SYK: variants seen among roughly 807,000 people sequenced by gnomAD.
SYK encodes tyrosine-protein kinase SYK.
SYK carries 16 observed loss-of-function variants against 77.8 expected under a neutral mutation model. That is an observed-to-expected ratio of 0.21 (90% confidence interval 0.14 to 0.31). The LOEUF (loss-of-function observed/expected upper bound fraction) is 0.31, where lower values mean the gene tolerates loss of function less well. Among genes scored for constraint, SYK ranks in the 10% least tolerant of loss-of-function variants. SYK has a pLI of 1.00. For missense variants in SYK, 529 were observed against 814.4 expected (o/e 0.65, Z 4.26); for synonymous variants, 312 against 308.7 (o/e 1.01, Z -0.11).
chr9:90,852,526 T>C (rs1167636599), intron 3 of SYK, among the ~76,000 whole-genome samples: 1 of 152,230 alleles, frequency 6.6e-6, no homozygotes, highest in African/African-American at 2.4e-5. Context: ...GATGGAAGTA[T>C]TGTTTCTTTG....
chr9:90,891,999 T>G lies in SYK; in HGVS notation c.1835+3372T>G, dbSNP rs993193340. 4.3e-4 allele frequency among the ~76,000 whole-genome samples: 65 copies of G among 152,304 alleles called. 1 individual carries two copies. Among genetic ancestry groups the G allele is most frequent in the African/African-American group, 1.4e-3 (59 of 41,566 alleles). On this transcript the variant is annotated intron_variant, in intron 13 of 13. Coordinates refer to ENST00000375754, the MANE Select transcript of SYK (RefSeq NM_003177.7). ...GATTACCTCCAACCCCTTTTTAGTC[T>G]TAATGGACTCTTCAGCTGGACCTAG...
chr9:90,862,122 C>T, intron 3 of SYK, 84 bp from the exon 4 acceptor site: 1 of 1,445,948 alleles, frequency 6.9e-7, no homozygotes, highest in Non-Finnish European at 9.2e-7. Flanking sequence ...GGCTGCTGAC[C>T]ATTCAGGCCA....
chr9:90,875,264 T>A (rs1827883100), intron 9 of SYK, among the ~76,000 whole-genome samples: 1 of 151,262 alleles, frequency 6.6e-6, no homozygotes, highest in African/African-American at 2.4e-5. Context: ...AATAAATAAA[T>A]AAAACATAAA....
chr9:90,816,592 G>A (rs1485757078), intron 1 of SYK, among the ~76,000 whole-genome samples: 1 of 152,200 alleles, frequency 6.6e-6, no homozygotes, highest in African/African-American at 2.4e-5. Context: ...TGTACAAGGT[G>A]GAAGGGTTGA....
At chr9:90,863,489 T>G (rs1827352988) in intron 4 of SYK, among the ~76,000 whole-genome samples, 1 of 152,178 alleles carries the variant, frequency 6.6e-6, no homozygotes, top group Non-Finnish European at 1.5e-5. Context: ...GTGATTTGCT[T>G]TCTAGTGCTG....
rs371227690 is a variant in SYK at position 90,840,717 on chromosome 9, C to T, written c.-41-3141C>T. Among the ~76,000 whole-genome samples the T allele has an allele frequency of 4.6e-5, 7 of 152,274 alleles. No individual in the cohort carries two copies. In the East Asian group the frequency reaches 1.3e-3, roughly 29 times the overall value. ...GTAGATATACTTTAAAAAACAAAAA[C>T]ACCTTGCTAAGAGATGAATTTTTAG... On this transcript the variant is annotated intron_variant, in intron 1 of 13. Coordinates refer to ENST00000375754, the MANE Select transcript of SYK (RefSeq NM_003177.7).
Position 90,865,067 on chromosome 9 carries a change from C to T in SYK, c.816C>T (p.Gly272=), listed in dbSNP as rs201662709. 18 of 1,613,992 alleles carry T rather than the reference C, an allele frequency of 1.1e-5. No individual in the cohort carries two copies. Among genetic ancestry groups the T allele is most frequent in the Non-Finnish European group, 1.5e-5 (18 of 1,180,006 alleles). The change falls in exon 6 of 14, where the codon GGC becomes GGT. Residue 272 remains glycine (G), a synonymous_variant. Coordinates refer to ENST00000375754, the MANE Select transcript of SYK (RefSeq NM_003177.7). ...AACCAGGAAATGTTAATTTTGGAGG[C>T]CGTCCACAACTTCCAGGTTCCCATC... ...IGTQGNVNFG[G]RPQLPGSHPA...
intron 1 of SYK, among the ~76,000 whole-genome samples, chr9:90,808,055 T>G (rs1003958029): frequency 6.6e-6 from 1 of 152,190 alleles, no homozygotes; most frequent in African/African-American, 2.4e-5. Context: ...AGAATAGGCA[T>G]GTCGATTTTT....
chr9:90,839,652 T>C (rs1329620202), intron 1 of SYK, among the ~76,000 whole-genome samples: 1 of 152,186 alleles, frequency 6.6e-6, no homozygotes, highest in Non-Finnish European at 1.5e-5. Context: ...AAGTATTTGC[T>C]CTCATTTTAT....
Position 90,844,271 on chromosome 9 carries a change from G to A in SYK, c.373G>A (p.Glu125Lys), listed in dbSNP as rs267602311. 6.2e-7 allele frequency: 1 copy of A among 1,613,582 alleles called. No individual in the cohort carries two copies. The highest frequency in any genetic ancestry group is 8.5e-7 in the Non-Finnish European group (1 of 1,179,748). The change falls in exon 2 of 14, where the codon GAA becomes AAA. Residue 125 changes from glutamate (E) to lysine (K), a missense_variant. This residue lies in a region of SYK where 321 missense variants were observed against 433.1 expected (regional missense o/e 0.74). Coordinates refer to ENST00000375754, the MANE Select transcript of SYK (RefSeq NM_003177.7). Reference protein sequence around the residue: ...PKTGPFEDLKENLIREYVKQT... With the variant: ...PKTGPFEDLKKNLIREYVKQT... The stretch of plus-strand genomic sequence containing the variant: ...GACTGGGCCCTTTGAGGATTTGAAG[G>A]AAAACCTCATCAGGGAATATGTGAA...
chr9:90,879,114 T>G (rs1302459308), intron 11 of SYK, among the ~76,000 whole-genome samples, 161 bp downstream of exon 11: 1 of 152,232 alleles, frequency 6.6e-6, no homozygotes, highest in African/African-American at 2.4e-5. Flanking sequence ...TTTTACTGTT[T>G]AAAAAATAAA....
At chr9:90,881,147 C>CA (rs34588858) in intron 11 of SYK, among the ~76,000 whole-genome samples, 1 of 152,076 alleles carries the variant, frequency 6.6e-6, no homozygotes, top group South Asian at 2.1e-4. Context: ...GGAGAAGTGT[C>CA]AAAGAGTCAA....
intron 1 of SYK, among the ~76,000 whole-genome samples, chr9:90,809,412 T>C (rs1824987615): frequency 6.6e-6 from 1 of 152,198 alleles, no homozygotes; most frequent in African/African-American, 2.4e-5. Context: ...TCCACTACTC[T>C]AATAAGGCGT....
intron 1 of SYK, among the ~76,000 whole-genome samples, chr9:90,839,492 C>G (rs192351963): frequency 6.6e-6 from 1 of 152,130 alleles, no homozygotes; most frequent in East Asian, 1.9e-4. Context: ...TCTGCAGATG[C>G]TCCCCAAGAC....
In SYK at chr9:90,887,370, C is replaced by T. The variant is rs1005711058; in HGVS notation, c.1582-379C>T. ...CTATTGGGAATAATGCTGCTATGAA[C>T]ATGAATGTACACAATTTTATGCTTT... On this transcript the variant is annotated intron_variant, in intron 11 of 13. Coordinates refer to ENST00000375754, the MANE Select transcript of SYK (RefSeq NM_003177.7). 2.0e-5 allele frequency among the ~76,000 whole-genome samples: 3 copies of T among 149,924 alleles called. No individual in the cohort carries two copies. In the South Asian group the frequency reaches 6.3e-4, roughly 31 times the overall value.
chr9:90,891,922 A>T (rs894348190), intron 13 of SYK, among the ~76,000 whole-genome samples: 1 of 152,128 alleles, frequency 6.6e-6, no homozygotes, highest in Non-Finnish European at 1.5e-5. Flanking sequence ...AGCCTCAATG[A>T]CAAAGCCCTG....
chr9:90,841,428 AGTGTGTT>A (rs1202124908), intron 1 of SYK, among the ~76,000 whole-genome samples: 9 of 148,472 alleles, frequency 6.1e-5, no homozygotes, highest in African/African-American at 2.2e-4. Context: ...AGATGTGTGT[AGTGTGTT>A]GTGTGTGTAG....
chr9:90,807,617 G>A (rs954178578), intron 1 of SYK, among the ~76,000 whole-genome samples: 2 of 152,198 alleles, frequency 1.3e-5, no homozygotes, highest in African/African-American at 4.8e-5. Context: ...GTCTTGGAGG[G>A]AAGGCACGTC....
At chr9:90,889,715 C>T (rs531131591) in intron 13 of SYK, among the ~76,000 whole-genome samples, 7 of 152,348 alleles carry the variant, frequency 4.6e-5, no homozygotes, top group East Asian at 3.9e-4. Context: ...GCCTGGGCCC[C>T]GGAGCATCTT....
Sources: gnomAD v4.1 joint callset for allele counts (sites outside exome capture counted in the v4.1 genomes callset) on GRCh38, gnomAD v4.1.1 for gene constraint, gnomAD v4.1.1 regional missense constraint, MANE v1.5 for transcripts, NCBI Gene and HGNC (gene_info 2026-07-23, HGNC 2026-07-21) for gene names.